ST6GALNAC3: variants seen among roughly 807,000 people sequenced by gnomAD.
ST6GALNAC3 encodes the protein ST6 N-acetylgalactosaminide alpha-2,6-sialyltransferase 3, also known as alpha-N-acetylgalactosaminide alpha-2,6-sialyltransferase 3.
Under a neutral mutation model 32.7 loss-of-function variants are expected in ST6GALNAC3, and 25 were observed. That is an observed-to-expected ratio of 0.76 (90% CI 0.56 to 1.07). The LOEUF (loss-of-function observed/expected upper bound fraction) is 1.07. Among genes scored for constraint, ST6GALNAC3 ranks in the 50% least tolerant of loss-of-function variants. ST6GALNAC3 has a pLI of 0.00. For synonymous variants in ST6GALNAC3, 129 were observed against 133.1 expected (o/e 0.97, Z 0.21); for missense variants, 355 against 382.4 (o/e 0.93, Z 0.60).
intron 2 of ST6GALNAC3, among the ~76,000 whole-genome samples, chr1:76,370,151 C>T (rs1223069581): frequency 1.3e-5 from 2 of 152,142 alleles, no homozygotes; most frequent in African/African-American, 4.8e-5. Context: ...TTGAGCTTTG[C>T]ACTAGGAAGC....
chr1:76,087,460 A>G (rs559197646), intron 1 of ST6GALNAC3, among the ~76,000 whole-genome samples: 109 of 152,330 alleles, frequency 7.2e-4, no homozygotes, highest in Non-Finnish European at 1.4e-3. Context: ...AGGGGTAGAG[A>G]GAATGGAGAT....
At chr1:76,414,374 A>G (rs1273706820) in intron 3 of ST6GALNAC3, among the ~76,000 whole-genome samples, 3 of 152,036 alleles carry the variant, frequency 2.0e-5, no homozygotes, top group Admixed American at 1.3e-4. Context: ...GAAGACAACT[A>G]TGCTAGTGTT....
intron 1 of ST6GALNAC3, among the ~76,000 whole-genome samples, chr1:76,312,341 T>C (rs1557776424): frequency 6.6e-6 from 1 of 152,142 alleles, no homozygotes; most frequent in Admixed American, 6.5e-5. Context: ...ACCTAGGCAG[T>C]ATCATTCAGG....
At chr1:76,083,526 C>T (rs573610821) in intron 1 of ST6GALNAC3, among the ~76,000 whole-genome samples, 1 of 152,320 alleles carries the variant, frequency 6.6e-6, no homozygotes, top group South Asian at 2.1e-4. Context: ...CTCTGAGTCC[C>T]ATCCTGGCTT....
At chr1:76,217,666 C>G (rs1020955787) in intron 1 of ST6GALNAC3, among the ~76,000 whole-genome samples, 2 of 152,196 alleles carry the variant, frequency 1.3e-5, no homozygotes, top group East Asian at 3.9e-4. Context: ...TCCCTCATCC[C>G]CATCCCACCC....
At chr1:76,267,132 C>G (rs1460012292) in intron 1 of ST6GALNAC3, among the ~76,000 whole-genome samples, 1 of 152,194 alleles carries the variant, frequency 6.6e-6, no homozygotes. Flanking sequence ...AGCCAATTTG[C>G]GCTCTCTTTC....
chr1:76,366,595 G>A (rs1269221171), intron 2 of ST6GALNAC3, among the ~76,000 whole-genome samples: 2 of 152,094 alleles, frequency 1.3e-5, no homozygotes, highest in East Asian at 1.9e-4. Context: ...GATATAAAAC[G>A]ATTAAACAGA....
At chr1:76,543,217 C>T (rs1014982059) in intron 3 of ST6GALNAC3, among the ~76,000 whole-genome samples, 19 of 152,222 alleles carry the variant, frequency 1.2e-4, no homozygotes, top group South Asian at 4.2e-4. Context: ...AGTTAAGTAC[C>T]GACTGCCTTG....
intron 3 of ST6GALNAC3, among the ~76,000 whole-genome samples, chr1:76,421,494 A>G (rs1173503775): frequency 1.3e-5 from 2 of 152,080 alleles, no homozygotes; most frequent in South Asian, 2.1e-4. Context: ...AGCAAATCCT[A>G]GTACCCAAAG....
intron 3 of ST6GALNAC3, among the ~76,000 whole-genome samples, chr1:76,527,652 AT>A (rs1484056125): frequency 1.3e-5 from 2 of 152,064 alleles, no homozygotes; most frequent in African/African-American, 4.8e-5. Flanking sequence ...TTATCTTTGT[AT>A]CTGTTTGAAG....
intron 2 of ST6GALNAC3, among the ~76,000 whole-genome samples, chr1:76,376,607 A>G (rs1195602836): frequency 6.6e-6 from 1 of 152,226 alleles, no homozygotes; most frequent in Non-Finnish European, 1.5e-5. Context: ...AATTCCCTTG[A>G]GAGTTATCCA....
intron 3 of ST6GALNAC3, among the ~76,000 whole-genome samples, chr1:76,426,968 A>G (rs533897974): frequency 6.6e-6 from 1 of 152,176 alleles, no homozygotes; most frequent in Non-Finnish European, 1.5e-5. Flanking sequence ...TTGAGGTGAT[A>G]TAATTTAATC....
chr1:76,588,747 G>A (rs531034399), intron 3 of ST6GALNAC3, among the ~76,000 whole-genome samples: 1 of 152,208 alleles, frequency 6.6e-6, no homozygotes, highest in Non-Finnish European at 1.5e-5. Context: ...CCAGCAGGAA[G>A]AAGCTGTGTC....
chr1:76,377,946 A>C (rs531453693), intron 2 of ST6GALNAC3, among the ~76,000 whole-genome samples: 49 of 152,274 alleles, frequency 3.2e-4, no homozygotes, highest in African/African-American at 1.1e-3. Flanking sequence ...CAGAATGAGA[A>C]GATAGTGCCC....
At chr1:76,184,638 G>A (rs1235932127) in intron 1 of ST6GALNAC3, among the ~76,000 whole-genome samples, 1 of 151,852 alleles carries the variant, frequency 6.6e-6, no homozygotes, top group Non-Finnish European at 1.5e-5. Context: ...ACAAAATTGA[G>A]CATTGGCCCT....
At chr1:76,272,032 A>G (rs553859627) in intron 1 of ST6GALNAC3, among the ~76,000 whole-genome samples, 1 of 151,824 alleles carries the variant, frequency 6.6e-6, no homozygotes, top group Non-Finnish European at 1.5e-5. Context: ...GTCTTATTAC[A>G]TTAAAAAAAT....
chr1:76,214,584 A>T (rs1008781814), intron 1 of ST6GALNAC3, among the ~76,000 whole-genome samples: 8 of 152,216 alleles, frequency 5.3e-5, no homozygotes, highest in Non-Finnish European at 8.8e-5. Flanking sequence ...CTACACATTT[A>T]CTTCAGTGAC....
At position 76,151,143 on chromosome 1, in the gene ST6GALNAC3, G is replaced by A. The variant is rs192746546; in HGVS notation, c.18+76259G>A. Among the ~76,000 whole-genome samples, 194 of 152,242 alleles carry A rather than the reference G, an allele frequency of 1.3e-3. 1 individual carries two copies. Among genetic ancestry groups the A allele is most frequent in the African/African-American group, 4.6e-3 (191 of 41,552 alleles). On this transcript the variant is annotated intron_variant, in intron 1 of 4. Coordinates refer to ENST00000328299, the MANE Select transcript of ST6GALNAC3 (RefSeq NM_152996.4). Reference sequence around the variant, plus strand: ...GCCCCTTGGTTCTCACGGGGAAGAGGGGAGATGTGTTCAGGCCTCCCCTTC... The same window carrying A: ...GCCCCTTGGTTCTCACGGGGAAGAGAGGAGATGTGTTCAGGCCTCCCCTTC...
chr1:76,373,340 G>T (rs973198565), intron 2 of ST6GALNAC3, among the ~76,000 whole-genome samples: 1 of 152,168 alleles, frequency 6.6e-6, no homozygotes, highest in Admixed American at 6.5e-5. Flanking sequence ...AACTTTCAAG[G>T]TCCTTGTGGG....
Sources: allele counts gnomAD v4.1 joint callset (sites outside exome capture counted in the v4.1 genomes callset), GRCh38; gene constraint gnomAD v4.1.1; transcripts MANE v1.5; gene names NCBI Gene and HGNC (gene_info 2026-07-23, HGNC 2026-07-21).